The following PLPPR1 variants were observed in gnomAD, a reference collection of about 807,000 sequenced individuals.
PLPPR1 encodes phospholipid phosphatase-related protein type 1.
In PLPPR1, 10 loss-of-function variants were observed where a neutral mutation model predicts 33.1. That is an observed-to-expected ratio of 0.30 (90% CI 0.19 to 0.51). The LOEUF is 0.51. Ranked by LOEUF, PLPPR1 falls within the 20% of genes least tolerant of loss-of-function variation. The pLI is 0.97. For missense variants in PLPPR1, 304 were observed against 408.1 expected (o/e 0.74, Z 2.20); for synonymous variants, 151 against 151.0 (o/e 1.00, Z 0.00).
chr9:101,266,251 A>G (rs1358606362), intron 2 of PLPPR1, among the ~76,000 whole-genome samples: 1 of 151,426 alleles, frequency 6.6e-6, no homozygotes, highest in Non-Finnish European at 1.5e-5. Flanking sequence ...ACATGATGAA[A>G]CCTTGTCTCT....
At chr9:101,238,088 A>G (rs187141217) in intron 2 of PLPPR1, among the ~76,000 whole-genome samples, 55 of 138,600 alleles carry the variant, frequency 4.0e-4, no homozygotes, top group African/African-American at 1.3e-3. Context: ...ATATATACAT[A>G]TACATACATA....
At chr9:101,151,154 G>A (rs1831580552) in intron 1 of PLPPR1, among the ~76,000 whole-genome samples, 1 of 152,108 alleles carries the variant, frequency 6.6e-6, no homozygotes, top group Admixed American at 6.6e-5. Flanking sequence ...AGAAAGCCAT[G>A]TGTGGATTAT....
chr9:101,310,030 T>C (rs1828928021), intron 5 of PLPPR1, among the ~76,000 whole-genome samples: 1 of 152,214 alleles, frequency 6.6e-6, no homozygotes, highest in Non-Finnish European at 1.5e-5. Context: ...AGTATGTTTC[T>C]CATTGTCCCC....
intron 1 of PLPPR1, among the ~76,000 whole-genome samples, chr9:101,087,060 C>T (rs1362128087): frequency 1.3e-5 from 2 of 151,962 alleles, no homozygotes; most frequent in African/African-American, 2.4e-5. Context: ...ACACTGTAAT[C>T]CCAGCTACTC....
At chr9:101,100,596 C>G (rs1228444528) in intron 1 of PLPPR1, among the ~76,000 whole-genome samples, 1 of 151,886 alleles carries the variant, frequency 6.6e-6, no homozygotes, top group Non-Finnish European at 1.5e-5. Context: ...AGAACACACA[C>G]TTTTATATGC....
chr9:101,128,087 T>A (rs932439508), intron 1 of PLPPR1, among the ~76,000 whole-genome samples: 4 of 152,180 alleles, frequency 2.6e-5, no homozygotes, highest in African/African-American at 9.7e-5. Context: ...CATTAAGCAC[T>A]ATGAGAATTG....
At chr9:101,293,975 G>T (rs1828569151) in intron 4 of PLPPR1, among the ~76,000 whole-genome samples, 1 of 152,058 alleles carries the variant, frequency 6.6e-6, no homozygotes, top group South Asian at 2.1e-4. Flanking sequence ...GAAGGAAACA[G>T]AGACACAAAA....
intron 1 of PLPPR1, among the ~76,000 whole-genome samples, chr9:101,107,981 G>A (rs1830997972): frequency 6.7e-6 from 1 of 150,152 alleles, no homozygotes; most frequent in Non-Finnish European, 1.5e-5. Context: ...CTTCCCAGGT[G>A]AGGCAATGCC....
intron 1 of PLPPR1, among the ~76,000 whole-genome samples, chr9:101,045,601 A>G (rs1054359362): frequency 5.9e-5 from 9 of 152,228 alleles, no homozygotes; most frequent in Non-Finnish European, 1.0e-4. Context: ...AGACAGGGTC[A>G]GATAAGAGGC....
intron 1 of PLPPR1, among the ~76,000 whole-genome samples, chr9:101,164,749 A>C (rs1825829535): frequency 6.6e-6 from 1 of 152,050 alleles, no homozygotes. Context: ...ATTAAAGGGG[A>C]AAGATGAAGT....
chr9:101,076,651 G>C (rs990883377), intron 1 of PLPPR1, among the ~76,000 whole-genome samples: 1 of 152,158 alleles, frequency 6.6e-6, no homozygotes, highest in Non-Finnish European at 1.5e-5. Flanking sequence ...AAATAAGGCA[G>C]ATTTTCTAGT....
intron 1 of PLPPR1, among the ~76,000 whole-genome samples, chr9:101,067,479 G>T (rs1402058222): frequency 2.6e-5 from 4 of 151,992 alleles, no homozygotes; most frequent in African/African-American, 7.2e-5. Context: ...AGAAATTAAT[G>T]ATTCATTAAT....
chr9:101,061,900 A>C (rs979701061), intron 1 of PLPPR1, among the ~76,000 whole-genome samples: 6 of 151,976 alleles, frequency 3.9e-5, no homozygotes, highest in Admixed American at 1.3e-4. Context: ...GGGGTGAGAA[A>C]ATCAAGAAAT....
At chr9:101,100,441 C>T (rs1408526724) in intron 1 of PLPPR1, among the ~76,000 whole-genome samples, 1 of 152,038 alleles carries the variant, frequency 6.6e-6, no homozygotes, top group Non-Finnish European at 1.5e-5. Context: ...CCTAAGACTG[C>T]ATTTTCTAGG....
chr9:101,300,010 A>G (rs1828721533), intron 4 of PLPPR1, among the ~76,000 whole-genome samples: 1 of 151,180 alleles, frequency 6.6e-6, no homozygotes, highest in Non-Finnish European at 1.5e-5. Context: ...AGGTTTTTTT[A>G]AGTATATTTC....
intron 1 of PLPPR1, among the ~76,000 whole-genome samples, chr9:101,088,856 A>G (rs1332057879): frequency 6.6e-6 from 1 of 152,194 alleles, no homozygotes; most frequent in Non-Finnish European, 1.5e-5. Flanking sequence ...TCTCCTTTAT[A>G]ATGAAATTAC....
intron 4 of PLPPR1, among the ~76,000 whole-genome samples, chr9:101,304,150 C>A (rs142454702): frequency 1.0e-3 from 156 of 152,266 alleles, no homozygotes; most frequent in African/African-American, 3.6e-3. Flanking sequence ...CACTTATTTT[C>A]TAGTTGCCTA....
At chr9:101,142,750 T>C (rs1831467736) in intron 1 of PLPPR1, among the ~76,000 whole-genome samples, 1 of 152,148 alleles carries the variant, frequency 6.6e-6, no homozygotes, top group South Asian at 2.1e-4. Context: ...CTGCTGCTTT[T>C]TTTTTCCCCT....
intron 1 of PLPPR1, among the ~76,000 whole-genome samples, chr9:101,032,638 T>G (rs768127534): frequency 1.3e-5 from 2 of 151,998 alleles, no homozygotes; most frequent in Non-Finnish European, 2.9e-5. Context: ...ATTAAATAAA[T>G]GAATGAGAAA....
Sources: allele counts gnomAD v4.1 joint callset (sites outside exome capture counted in the v4.1 genomes callset), GRCh38; gene constraint gnomAD v4.1.1; transcripts MANE v1.5; gene names NCBI Gene and HGNC (gene_info 2026-07-23, HGNC 2026-07-21).